Variants in CHRNA9 observed in about 807,000 individuals in gnomAD.
CHRNA9 encodes the protein cholinergic receptor nicotinic alpha 9 subunit.
A neutral mutation model predicts 36.8 loss-of-function variants in CHRNA9; 24 were observed. The observed-to-expected ratio is 0.65, with a 90% confidence interval of 0.47 to 0.92. The LOEUF is 0.92. CHRNA9 is among the 40% of genes least tolerant of loss of function. The pLI is 0.00. For missense variants in CHRNA9, 610 were observed against 601.2 expected (o/e 1.01, Z -0.15); for synonymous variants, 231 against 231.8 (o/e 1.00, Z 0.03).
At chr4:40,337,528 T>C (rs1712359545) in intron 3 of CHRNA9, among the ~76,000 whole-genome samples, 164 bp downstream of exon 3, 1 of 152,204 alleles carries the variant, frequency 6.6e-6, no homozygotes, top group Non-Finnish European at 1.5e-5. Flanking sequence ...GATCAGGAAA[T>C]AATATGTCAT....
Position 40,336,018 on chromosome 4 carries a change from T to C in CHRNA9, c.210+46T>C, listed in dbSNP as rs753303534. On this transcript the variant is annotated intron_variant, in intron 2 of 4. Transcript: ENST00000310169. ...ACTCTGTGGAATGATTCTTAGAGGA[T>C]AAACAACCATGCTTTCTGAAGAGAA... 5 of 1,509,114 alleles carry C rather than the reference T, an allele frequency of 3.3e-6. No individual in the cohort carries two copies. In the Admixed American group the frequency reaches 7.0e-5, roughly 21 times the overall value. The allele number at this position is 1,509,114 out of a possible 1,614,324, so 93.5% of individuals were successfully genotyped here. A position where few individuals can be genotyped will look rare whatever the true frequency, so the allele number is the denominator to read the frequency against.
In CHRNA9 at chr4:40,349,261, G is replaced by C. The variant is rs774214997; in HGVS notation, c.745G>C (p.Val249Leu). The part of the protein sequence containing the change: ...FYIVNLLIPC[V>L]LISFLAPLSF... ...TATCGTCAACCTCCTCATCCCATGC[G>C]TCCTCATATCTTTTCTGGCTCCTCT... Residue 249 changes from valine to leucine, a missense_variant, in exon 4 of 5, where the codon GTC (valine) becomes CTC (leucine). Val to Leu is a conservative substitution (Grantham distance 32). Transcript: ENST00000310169. 3 of 1,614,060 alleles carry C rather than the reference G, an allele frequency of 1.9e-6. No homozygotes were observed. In the South Asian group the frequency reaches 3.3e-5, roughly 18 times the overall value.
intron 4 of CHRNA9, 62 bp from the exon 5 acceptor site, chr4:40,353,917 C>CAAAT: frequency 1.4e-6 from 2 of 1,400,820 alleles, no homozygotes; most frequent in Non-Finnish European, 9.8e-7. Flanking sequence ...TGTTAAGTGA[C>CAAAT]TCGTGGCTGT....
chr4:40,345,506 G>A (rs1294234563), intron 3 of CHRNA9, among the ~76,000 whole-genome samples: 5 of 152,162 alleles, frequency 3.3e-5, no homozygotes, highest in Non-Finnish European at 5.9e-5. Flanking sequence ...GAGGTCAGGA[G>A]TTTGAGATCA....
intron 3 of CHRNA9, among the ~76,000 whole-genome samples, chr4:40,345,572 C>T (rs552395653): frequency 1.8e-4 from 28 of 151,676 alleles, no homozygotes; most frequent in Non-Finnish European, 3.1e-4. Context: ...ATTAGTTGGG[C>T]GTGGTGGTGC....
intron 3 of CHRNA9, among the ~76,000 whole-genome samples, chr4:40,341,370 G>A (rs1344857792): frequency 6.6e-6 from 1 of 151,698 alleles, no homozygotes; most frequent in South Asian, 2.1e-4. Flanking sequence ...CTGCAGCCTT[G>A]ACCTCCTGGA....
At chr4:40,353,829 T>C in intron 4 of CHRNA9, 150 bp from the exon 5 acceptor site, 1 of 708,076 alleles carries the variant, frequency 1.4e-6, no homozygotes, top group South Asian at 1.9e-5. Flanking sequence ...TTTAGGTTTG[T>C]GTACATACAC....
intron 3 of CHRNA9, among the ~76,000 whole-genome samples, chr4:40,343,061 T>C: frequency 6.6e-6 from 1 of 152,208 alleles, no homozygotes; most frequent in East Asian, 1.9e-4. Context: ...CCAGGCACTC[T>C]GGGGACTGAA....
At chr4:40,349,534 T>C (rs1577549254) in intron 4 of CHRNA9, 120 bp downstream of exon 4, 1 of 960,408 alleles carries the variant, frequency 1.0e-6, no homozygotes, top group East Asian at 2.5e-5. Context: ...CAATACAGAC[T>C]GTCTCAAATT....
intron 3 of CHRNA9, among the ~76,000 whole-genome samples, chr4:40,341,370 G>C (rs1344857792): frequency 6.6e-6 from 1 of 151,698 alleles, no homozygotes; most frequent in African/African-American, 2.4e-5. Flanking sequence ...CTGCAGCCTT[G>C]ACCTCCTGGA....
At chr4:40,339,176 G>T (rs1712422082) in intron 3 of CHRNA9, among the ~76,000 whole-genome samples, 1 of 150,516 alleles carries the variant, frequency 6.6e-6, no homozygotes, top group South Asian at 2.1e-4. Flanking sequence ...CTACTTGGGA[G>T]GCTGAGGCAG....
chr4:40,345,434 C>T (rs541487930), intron 3 of CHRNA9, among the ~76,000 whole-genome samples: 6 of 152,046 alleles, frequency 3.9e-5, no homozygotes, highest in South Asian at 2.1e-4. Context: ...TACTCAAGGC[C>T]GGCGTGGTGG....
In CHRNA9 at chr4:40,337,180, G is replaced by A. The variant is rs112843181; in HGVS notation, c.211-30G>A. The A allele has an allele frequency of 4.0e-5, 64 of 1,608,752 alleles. No homozygotes were observed. The African/African-American group carries it at 5.9e-4, about 15-fold the overall frequency. On this transcript the variant is annotated intron_variant, in intron 2 of 4. Coordinates refer to ENST00000310169, the MANE Select transcript of CHRNA9 (RefSeq NM_017581.4). Reference sequence around the variant, plus strand: ...TGGAAAACATTTCAAGTGTCTGCTAGGTAAAGCGACATCTGGATTCATTGT... The same window carrying A: ...TGGAAAACATTTCAAGTGTCTGCTAAGTAAAGCGACATCTGGATTCATTGT...
intron 3 of CHRNA9, among the ~76,000 whole-genome samples, chr4:40,340,489 C>G (rs1413840815): frequency 6.6e-6 from 1 of 152,082 alleles, no homozygotes; most frequent in Non-Finnish European, 1.5e-5. Flanking sequence ...AAGAAGGGCC[C>G]TTAGTCATGG....
At chr4:40,346,719 G>T (rs1712646692) in intron 3 of CHRNA9, among the ~76,000 whole-genome samples, 2 of 152,046 alleles carry the variant, frequency 1.3e-5, no homozygotes, top group African/African-American at 4.8e-5. Flanking sequence ...TAATATTGTG[G>T]CACCCATTTC....
chr4:40,345,438 G>A (rs1013889588), intron 3 of CHRNA9, among the ~76,000 whole-genome samples: 20 of 152,220 alleles, frequency 1.3e-4, no homozygotes, highest in Middle Eastern at 3.4e-3. Flanking sequence ...CAAGGCCGGC[G>A]TGGTGGCTCA....
intron 4 of CHRNA9, among the ~76,000 whole-genome samples, chr4:40,353,531 T>A (rs1402506812): frequency 6.6e-6 from 1 of 152,036 alleles, no homozygotes; most frequent in Non-Finnish European, 1.5e-5. Context: ...CACTAGGGTA[T>A]AACACCTCCT....
chr4:40,349,149 G>T lies in CHRNA9; in HGVS notation c.633G>T (p.Val211=). Residue 211 remains valine, a synonymous_variant, in exon 4 of 5, where the codon GTG becomes GTT. Transcript: ENST00000310169. ...VEWEVHGMPA[V]KNVISYGCCS... is the part of the protein sequence containing the mutation. Reference sequence around the variant, plus strand: ...GGGAGGTCCATGGCATGCCCGCTGTGAAGAATGTGATCTCCTATGGCTGCT... The same window carrying T: ...GGGAGGTCCATGGCATGCCCGCTGTTAAGAATGTGATCTCCTATGGCTGCT... The T allele has an allele frequency of 6.2e-7, 1 of 1,614,210 alleles. No individual in the cohort carries two copies. Among genetic ancestry groups the T allele is most frequent in the Non-Finnish European group, 8.5e-7 (1 of 1,180,030 alleles).
chr4:40,344,272 T>C (rs1418986913), intron 3 of CHRNA9, among the ~76,000 whole-genome samples: 3 of 152,232 alleles, frequency 2.0e-5, no homozygotes, highest in African/African-American at 7.2e-5. Flanking sequence ...GGCTCGTGCC[T>C]GTAATCCCAG....
Sources: gnomAD v4.1 joint callset for allele counts (sites outside exome capture counted in the v4.1 genomes callset) on GRCh38, gnomAD v4.1.1 for gene constraint, MANE v1.5 for transcripts, NCBI Gene and HGNC (gene_info 2026-07-23, HGNC 2026-07-21) for gene names.